SERGEF: variants seen among roughly 807,000 people sequenced by gnomAD.
SERGEF encodes the protein secretion regulating guanine nucleotide exchange factor.
Under a neutral mutation model 50.0 loss-of-function variants are expected in SERGEF, and 51 were observed. The observed-to-expected ratio is 1.02, with a 90% CI of 0.81 to 1.29. The LOEUF (loss-of-function observed/expected upper bound fraction) is 1.29. Among genes scored for constraint, SERGEF ranks in the 50% most tolerant of loss-of-function variants. SERGEF has a pLI of 0.00. For synonymous variants in SERGEF, 205 were observed against 212.4 expected, an observed-to-expected ratio of 0.97 and a Z score of 0.30; for missense variants, 521 against 557.0, an observed-to-expected ratio of 0.94 and a Z score of 0.65.
intron 1 of SERGEF, among the ~76,000 whole-genome samples, chr11:18,008,877 A>G (rs1006812194): frequency 1.3e-5 from 2 of 152,078 alleles, no homozygotes; most frequent in Non-Finnish European, 2.9e-5. Flanking sequence ...ATCCAAACAA[A>G]GTTCCAGGAG....
At chr11:17,966,739 A>ATAATTT (rs1378136546) in intron 8 of SERGEF, among the ~76,000 whole-genome samples, 1 of 152,202 alleles carries the variant, frequency 6.6e-6, no homozygotes, top group African/African-American at 2.4e-5. Context: ...AAAGGTTTGG[A>ATAATTT]ATTTTTTTAA....
intron 8 of SERGEF, among the ~76,000 whole-genome samples, chr11:17,968,351 A>G (rs796307785): frequency 1.2e-4 from 19 of 152,334 alleles, no homozygotes; most frequent in African/African-American, 4.6e-4. Flanking sequence ...ATATTGAGCA[A>G]ATAGTTATTG....
chr11:17,822,426 C>T (rs558386748), intron 10 of SERGEF, among the ~76,000 whole-genome samples: 1 of 152,256 alleles, frequency 6.6e-6, no homozygotes, highest in East Asian at 1.9e-4. Context: ...AAAATGCAAT[C>T]TTAGTCTATA....
intron 9 of SERGEF, among the ~76,000 whole-genome samples, chr11:17,895,167 A>G (rs1246600138): frequency 1.3e-5 from 2 of 152,186 alleles, no homozygotes; most frequent in East Asian, 3.9e-4. Flanking sequence ...CCCCTAATCA[A>G]GAGGCCCTCT....
At chr11:17,926,829 C>T (rs973837220) in intron 9 of SERGEF, 3 of 456,146 alleles carry the variant, frequency 6.6e-6, no homozygotes, top group African/African-American at 6.0e-5. Context: ...CCACATCTCC[C>T]ACTGTGCAGT....
chr11:17,871,686 T>A (rs481280), intron 10 of SERGEF, among the ~76,000 whole-genome samples: 62,604 of 151,872 alleles, frequency 0.41, 13,414 homozygotes, highest in East Asian at 0.75. Context: ...TATAAGCATG[T>A]AAAAAGGTAC....
chr11:17,868,632 G>A (rs1851075916), intron 10 of SERGEF, among the ~76,000 whole-genome samples: 1 of 152,094 alleles, frequency 6.6e-6, no homozygotes, highest in African/African-American at 2.4e-5. Flanking sequence ...TCAATTTACT[G>A]TATTAGTCCA....
chr11:17,829,760 T>C (rs1590140470), intron 10 of SERGEF, among the ~76,000 whole-genome samples: 1 of 152,166 alleles, frequency 6.6e-6, no homozygotes, highest in East Asian at 1.9e-4. Context: ...CTTTTAGGGG[T>C]GACAATGTAA....
intron 8 of SERGEF, among the ~76,000 whole-genome samples, chr11:17,985,805 A>G (rs1853582756): frequency 6.6e-6 from 1 of 152,196 alleles, no homozygotes; most frequent in Non-Finnish European, 1.5e-5. Context: ...ATACCATGTG[A>G]ACTGCCTTAG....
chr11:18,012,700 C>A (rs1854221955), intron 1 of SERGEF: 2 of 1,207,658 alleles, frequency 1.7e-6, no homozygotes, highest in East Asian at 3.3e-5. Context: ...AGGTTCTTCC[C>A]GCGGCGCCAC....
chr11:17,909,757 T>C (rs148335377), intron 9 of SERGEF, among the ~76,000 whole-genome samples: 1 of 152,288 alleles, frequency 6.6e-6, no homozygotes, highest in East Asian at 1.9e-4. Context: ...TTCAGAGAAG[T>C]AGAAACCAGG....
chr11:17,950,508 A>G (rs1852755248), intron 9 of SERGEF, among the ~76,000 whole-genome samples: 1 of 152,228 alleles, frequency 6.6e-6, no homozygotes, highest in Non-Finnish European at 1.5e-5. Context: ...ATTTCAGTAC[A>G]TCACTTTGGC....
intron 9 of SERGEF, among the ~76,000 whole-genome samples, chr11:17,924,529 A>G (rs1852214759): frequency 6.6e-6 from 1 of 152,290 alleles, no homozygotes; most frequent in East Asian, 1.9e-4. Flanking sequence ...TTTCTCCTGG[A>G]AGATACTGAA....
Position 18,000,421 on chromosome 11 carries a change from C to T in SERGEF, c.508+76G>A. ...CTATGATCGAGCCACTGCACTCCAGCCTGGGCAACAGAGTGAGACCCCATC... is the reference window on the plus strand; with the variant it reads ...CTATGATCGAGCCACTGCACTCCAGTCTGGGCAACAGAGTGAGACCCCATC... On this transcript the variant is annotated intron_variant, in intron 5 of 10. Transcript: ENST00000265965. 3 of 1,013,322 alleles carry T rather than the reference C, an allele frequency of 3.0e-6. No homozygotes were observed. The South Asian group carries it at 4.8e-5, about 16-fold the overall frequency. The allele number at this position is 1,013,322 out of a possible 1,614,324, so 62.8% of individuals were successfully genotyped here.
intron 10 of SERGEF, 23 bp downstream of exon 10, chr11:17,878,185 T>A: frequency 6.6e-7 from 1 of 1,526,528 alleles, no homozygotes; most frequent in Non-Finnish European, 9.0e-7. Context: ...GAAGAAACAG[T>A]TATCAGTATA....
At chr11:17,984,177 TA>T (rs1240934274) in intron 8 of SERGEF, among the ~76,000 whole-genome samples, 2 of 152,224 alleles carry the variant, frequency 1.3e-5, no homozygotes, top group East Asian at 3.9e-4. Context: ...GGGAGGATAT[TA>T]GTCATTCTCA....
At chr11:17,939,010 G>T (rs1418490235) in intron 9 of SERGEF, among the ~76,000 whole-genome samples, 1 of 152,158 alleles carries the variant, frequency 6.6e-6, no homozygotes, top group Non-Finnish European at 1.5e-5. Flanking sequence ...CATAATAAAT[G>T]TAATAAATTC....
chr11:17,844,164 C>T (rs1165581683), intron 10 of SERGEF, among the ~76,000 whole-genome samples: 1 of 152,114 alleles, frequency 6.6e-6, no homozygotes, highest in Non-Finnish European at 1.5e-5. Context: ...ACACAGGAAT[C>T]AATACTTCAG....
chr11:17,878,220 A>G lies in SERGEF; in HGVS notation c.1036T>C (p.Leu346=), dbSNP rs1269749039. The G allele has an allele frequency of 6.3e-7, 1 of 1,586,564 alleles. No homozygotes were observed. The highest frequency in any genetic ancestry group is 1.7e-5 in the Admixed American group (1 of 58,460). Reference sequence around the variant, plus strand: ...AAAAATTACTTACCAATTATTGCCAAATTATGCTCTGAGCCACAAGAGACC... The same window carrying G: ...AAAAATTACTTACCAATTATTGCCAGATTATGCTCTGAGCCACAAGAGACC... ...TEVSCGSEHN[L]AIIGGVCYSW... Residue 346 remains leucine (L), a synonymous_variant, in exon 10 of 11, where the codon TTG becomes CTG. Transcript: ENST00000265965.
Sources: allele counts gnomAD v4.1 joint callset (sites outside exome capture counted in the v4.1 genomes callset), GRCh38; gene constraint gnomAD v4.1.1; transcripts MANE v1.5; gene names NCBI Gene and HGNC (gene_info 2026-07-23, HGNC 2026-07-21).